Variants in ABCA13 observed in about 807,000 individuals in gnomAD.
ABCA13 encodes the protein ATP-binding cassette sub-family A member 13.
Under a neutral mutation model 478.7 loss-of-function variants are expected in ABCA13, and 476 were observed. That is an observed-to-expected ratio of 0.99 (90% CI 0.92 to 1.07). ABCA13 has a LOEUF of 1.07. Ranked by LOEUF, ABCA13 falls within the 50% of genes least tolerant of loss-of-function variation. ABCA13 has a pLI of 0.00. For synonymous variants in ABCA13, 2,252 were observed against 2,158.9 expected, an observed-to-expected ratio of 1.04 and a Z score of -1.20; for missense variants, 6,060 against 5,910.6, an observed-to-expected ratio of 1.03 and a Z score of -0.83.
chr7:48,517,016 A>C (rs1832173989), intron 52 of ABCA13, 135 bp downstream of exon 52: 2 of 995,972 alleles, frequency 2.0e-6, no homozygotes, highest in Non-Finnish European at 2.9e-6. Context: ...TTTAAACTCC[A>C]GAGAGATAAA....
chr7:48,350,994 A>T (rs1429329518), intron 30 of ABCA13, among the ~76,000 whole-genome samples, 175 bp downstream of exon 30: 2 of 152,254 alleles, frequency 1.3e-5, no homozygotes, highest in Non-Finnish European at 2.9e-5. Flanking sequence ...AAAATGAAGC[A>T]GAAATATTTG....
At chr7:48,643,241 T>C (rs890162226) in intron 59 of ABCA13, 47 bp from the exon 60 acceptor site, 8 of 1,270,562 alleles carry the variant, frequency 6.3e-6, no homozygotes, top group Admixed American at 5.9e-5. Context: ...TTACTCATCT[T>C]AGGTCAATAT....
intron 58 of ABCA13, among the ~76,000 whole-genome samples, chr7:48,610,377 G>A (rs770670869): frequency 2.6e-4 from 40 of 152,164 alleles, no homozygotes; most frequent in Admixed American, 6.5e-4. Flanking sequence ...GAGCAGCTCC[G>A]CCCCTGTGGT....
In ABCA13 at chr7:48,272,654, G is replaced by A. The variant is rs1795774295; in HGVS notation, c.2988G>A (p.Leu996=). 1 of 1,612,856 alleles carries A rather than the reference G, an allele frequency of 6.2e-7. No individual in the cohort carries two copies. ...TFLTQISKHI[L]DIIKQFNFQN... ...TTACACAAATCTCAAAACACATTTTGGATATCATAAAACAATTTAATTTCC... is the reference window on the plus strand; with the variant it reads ...TTACACAAATCTCAAAACACATTTTAGATATCATAAAACAATTTAATTTCC... The change falls in exon 17 of 62, where the codon TTG becomes TTA. Residue 996 remains leucine (L), a synonymous_variant. Coordinates refer to ENST00000435803, the MANE Select transcript of ABCA13 (RefSeq NM_152701.5).
At chr7:48,479,308 G>A (rs997359362) in intron 45 of ABCA13, among the ~76,000 whole-genome samples, 1 of 151,976 alleles carries the variant, frequency 6.6e-6, no homozygotes, top group African/African-American at 2.4e-5. Context: ...TGCCATCTTG[G>A]CTCACTGCAA....
intron 58 of ABCA13, among the ~76,000 whole-genome samples, chr7:48,609,429 C>T (rs1791797820): frequency 6.6e-6 from 1 of 152,040 alleles, no homozygotes; most frequent in Non-Finnish European, 1.5e-5. Context: ...AAATGGCAGA[C>T]TTTGTTGAAA....
At chr7:48,334,666 G>A (rs879462222) in intron 27 of ABCA13, among the ~76,000 whole-genome samples, 1 of 152,200 alleles carries the variant, frequency 6.6e-6, no homozygotes, top group Admixed American at 6.5e-5. Context: ...TACTGAAGCT[G>A]AGAGTTCAAG....
chr7:48,412,673 T>G, intron 41 of ABCA13, 90 bp downstream of exon 41: 2 of 766,344 alleles, frequency 2.6e-6, no homozygotes, highest in Non-Finnish European at 3.7e-6. Flanking sequence ...GGGGGGGAGA[T>G]GTGGGTAAGG....
rs768533305 is a variant in ABCA13 at position 48,271,983 on chromosome 7, C to T, written c.2317C>T (p.Leu773=). ...LTEDILNISS[L]WTNHLKSLKR... is the part of the protein sequence containing the mutation. The stretch of plus-strand genomic sequence containing the variant: ...AGAGGATATTCTGAATATAAGTTCT[C>T]TGTGGACAAATCATTTAAAAAGTTT... The change falls in exon 17 of 62, where the codon CTG becomes TTG. Residue 773 remains leucine, a synonymous_variant. Coordinates refer to ENST00000435803, the MANE Select transcript of ABCA13 (RefSeq NM_152701.5). 17 of 1,613,500 alleles carry T rather than the reference C, an allele frequency of 1.1e-5. No individual in the cohort carries two copies. The highest frequency in any genetic ancestry group is 8.3e-5 in the Admixed American group (5 of 59,944).
intron 31 of ABCA13, among the ~76,000 whole-genome samples, chr7:48,363,426 C>T (rs546342936): frequency 6.6e-6 from 1 of 152,018 alleles, no homozygotes; most frequent in South Asian, 2.1e-4. Flanking sequence ...CATTGTTGAA[C>T]ATTCTAGGAC....
chr7:48,540,761 G>A (rs917245752), intron 55 of ABCA13, among the ~76,000 whole-genome samples: 1 of 152,022 alleles, frequency 6.6e-6, no homozygotes, highest in South Asian at 2.1e-4. Flanking sequence ...AGTAATACAT[G>A]TCTAAATATA....
rs201668391 is a variant in ABCA13 at position 48,240,936 on chromosome 7, G to A, written c.1132G>A (p.Ala378Thr). ...TLTGMGHSLE[A>T]LRNQFEEESK... The stretch of plus-strand genomic sequence containing the variant: ...CACAGGCATGGGCCATAGTCTGGAG[G>A]CTCTCAGGAATCAGTTTGAAGAAGA... The change falls in exon 10 of 62, where the codon GCT (alanine) becomes ACT (threonine). Residue 378 changes from alanine to threonine, a missense_variant. Transcript: ENST00000435803. The A allele has an allele frequency of 3.1e-6, 5 of 1,613,258 alleles. No individual in the cohort carries two copies. Among genetic ancestry groups the A allele is most frequent in the African/African-American group, 1.3e-5 (1 of 74,940 alleles).
chr7:48,489,152 A>C, intron 47 of ABCA13, 84 bp from the exon 48 acceptor site: 1 of 1,135,774 alleles, frequency 8.8e-7, no homozygotes, highest in Non-Finnish European at 1.3e-6. Context: ...ATTGACACAT[A>C]CGTTCCTTAA....
intron 55 of ABCA13, among the ~76,000 whole-genome samples, chr7:48,578,749 T>G (rs1419310221): frequency 6.6e-6 from 1 of 152,156 alleles, no homozygotes; most frequent in Non-Finnish European, 1.5e-5. Flanking sequence ...GGCAACACAG[T>G]ATGGAAGAAC....
At chr7:48,373,100 T>G (rs1812917208) in intron 33 of ABCA13, among the ~76,000 whole-genome samples, 1 of 152,184 alleles carries the variant, frequency 6.6e-6, no homozygotes, top group African/African-American at 2.4e-5. Context: ...AATGATCTGT[T>G]TCAGAGAGCC....
intron 59 of ABCA13, among the ~76,000 whole-genome samples, chr7:48,619,320 G>A (rs1792899810): frequency 1.3e-5 from 2 of 151,672 alleles, no homozygotes. Context: ...ATGGAGAAGG[G>A]CCTCTGAGAA....
intron 20 of ABCA13, among the ~76,000 whole-genome samples, chr7:48,292,574 G>A (rs1233426615): frequency 6.6e-6 from 1 of 152,126 alleles, no homozygotes; most frequent in Non-Finnish European, 1.5e-5. Flanking sequence ...TGCTGTCTGG[G>A]TGGCATATCT....
At chr7:48,293,200 C>CCA (rs1554419754) in intron 20 of ABCA13, among the ~76,000 whole-genome samples, 2 of 136,538 alleles carry the variant, frequency 1.5e-5, no homozygotes, top group Non-Finnish European at 3.3e-5. Context: ...CAGCCCCCCC[C>CCA]CCGCCACACA....
At chr7:48,230,607 CCA>C (rs956194366) in intron 7 of ABCA13, among the ~76,000 whole-genome samples, 1 of 152,062 alleles carries the variant, frequency 6.6e-6, no homozygotes, top group Non-Finnish European at 1.5e-5. Context: ...ATCCATCCAC[CCA>C]CACATCCATT....
Sources: gnomAD v4.1 joint callset for allele counts (sites outside exome capture counted in the v4.1 genomes callset) on GRCh38, gnomAD v4.1.1 for gene constraint, MANE v1.5 for transcripts, NCBI Gene and HGNC (gene_info 2026-07-23, HGNC 2026-07-21) for gene names.